TRIM41: variants seen among roughly 807,000 people sequenced by gnomAD.
The protein encoded by TRIM41 is tripartite motif containing 41.
A neutral mutation model predicts 60.6 loss-of-function variants in TRIM41; 21 were observed. That is an observed-to-expected ratio of 0.35 (90% CI 0.25 to 0.50). The LOEUF (loss-of-function observed/expected upper bound fraction) is 0.50, where lower values mean the gene tolerates loss of function less well. Among genes scored for constraint, TRIM41 ranks in the 20% least tolerant of loss-of-function variants. The pLI, the probability that TRIM41 is intolerant of heterozygous loss-of-function variation, is 0.98. For missense variants in TRIM41, 846 were observed against 868.3 expected (o/e 0.97, Z 0.32); for synonymous variants, 407 against 344.9 (o/e 1.18, Z -2.00).
intron 1 of TRIM41, chr5:181,225,470 T>C (rs974953269): frequency 6.3e-6 from 1 of 157,534 alleles, no homozygotes; most frequent in Non-Finnish European, 1.4e-5. Context: ...TGGACATTTA[T>C]ATGTATACCA....
chr5:181,235,043 CCA>C lies in TRIM41; in HGVS notation c.*269_*270del. 6.2e-7 allele frequency: 1 copy of C among 1,613,870 alleles called. No individual in the cohort carries two copies. Among genetic ancestry groups the C allele is most frequent in the Non-Finnish European group, 8.5e-7 (1 of 1,180,024 alleles). ...GAGAACAGCTGCCTGGTCTTCTCTC[CCA>C]GTCTGCCTAGCCCAGCCCTGGGACT... On this transcript the variant is annotated 3_prime_UTR_variant, in exon 6 of 6. Transcript: ENST00000315073.
Position 181,232,826 on chromosome 5 carries a change from G to C in TRIM41, c.1077G>C (p.Gln359His). The change falls in exon 3 of 6, where the codon CAG becomes CAC. Residue 359 changes from glutamine (Q) to histidine (H), a missense_variant. Physicochemically the swap from Gln to His is conservative, Grantham distance 24. Transcript: ENST00000315073. The part of the protein sequence containing the change: ...AASRLAEQAA[Q>H]LSRLLAEAQE... Reference sequence around the variant, plus strand: ...GTCGCCTTGCAGAACAGGCCGCCCAGCTCAGCCGCCTGCTGGCAGAGGCCC... The same window carrying C: ...GTCGCCTTGCAGAACAGGCCGCCCACCTCAGCCGCCTGCTGGCAGAGGCCC... The C allele has an allele frequency of 6.4e-7, 1 of 1,573,788 alleles. No individual in the cohort carries two copies. The highest frequency in any genetic ancestry group is 8.6e-7 in the Non-Finnish European group (1 of 1,161,864).
In TRIM41 at chr5:181,224,516, C is replaced by T; in HGVS notation, c.517C>T (p.Pro173Ser). Residue 173 changes from proline to serine, a missense_variant, in exon 1 of 6, where the codon CCG becomes TCG. Physicochemically the swap from Pro to Ser is moderately conservative, Grantham distance 74. Transcript: ENST00000315073. ...TCTAGACCCCGTCACCCCACTGCCC[C>T]CGCCTCCAGCCCCTCGGAGGTGCTT... ...EDLDPVTPLP[P>S]PPAPRRCFTC... The T allele has an allele frequency of 1.2e-6, 2 of 1,612,084 alleles. No homozygotes were observed. The highest frequency in any genetic ancestry group is 1.7e-6 in the Non-Finnish European group (2 of 1,178,394).
chr5:181,234,117 G>C lies in TRIM41; in HGVS notation c.1292-57G>C. 6.2e-7 allele frequency: 1 copy of C among 1,600,246 alleles called. No homozygotes were observed. Among genetic ancestry groups the C allele is most frequent in the Non-Finnish European group, 8.5e-7 (1 of 1,179,722 alleles). On this transcript the variant is annotated intron_variant, in intron 5 of 5. Coordinates refer to ENST00000315073, the MANE Select transcript of TRIM41 (RefSeq NM_033549.5). This position sits in a 1 kb window ranked among gnomAD's most constrained non-coding sequence, Gnocchi z 5.6. ...GGGGGCCCAATCTGTGGAGTTGGCTGCTGACAGGGGAACAGCCGTTCCAGC... is the reference window on the plus strand; with the variant it reads ...GGGGGCCCAATCTGTGGAGTTGGCTCCTGACAGGGGAACAGCCGTTCCAGC...
Position 181,235,443 on chromosome 5 carries a change from A to C in TRIM41, c.*668A>C. The C allele has an allele frequency of 6.2e-7, 1 of 1,610,906 alleles. No homozygotes were observed. The highest frequency in any genetic ancestry group is 8.5e-7 in the Non-Finnish European group (1 of 1,177,730). On this transcript the variant is annotated 3_prime_UTR_variant, in exon 6 of 6. Coordinates refer to ENST00000315073, the MANE Select transcript of TRIM41 (RefSeq NM_033549.5). ...CCATTACATCATCATTACATTAATT[A>C]CATCAACATAAATTATTTCTTCCCC...
chr5:181,234,601 T>G lies in TRIM41; in HGVS notation c.1719T>G (p.Ser573Arg). The G allele has an allele frequency of 6.2e-7, 1 of 1,614,056 alleles. No homozygotes were observed. Among genetic ancestry groups the G allele is most frequent in the Non-Finnish European group, 8.5e-7 (1 of 1,179,930 alleles). Residue 573 changes from serine to arginine, a missense_variant, in exon 6 of 6, where the codon AGT becomes AGG. Transcript: ENST00000315073. The surrounding 1 kb of genome is among the most constrained non-coding windows in gnomAD (Gnocchi z 5.6). The stretch of plus-strand genomic sequence containing the variant: ...CAGAACAGACGCTGCTGAGCCCCAG[T>G]GAGAAACCAAGGCGCTTTGGTGTGT... Reference protein sequence around the residue: ...SSTEQTLLSPSEKPRRFGVYL... With the variant: ...SSTEQTLLSPREKPRRFGVYL...
chr5:181,233,366 C>G lies in TRIM41; in HGVS notation c.1141-47C>G. On this transcript the variant is annotated intron_variant, in intron 3 of 5. Coordinates refer to ENST00000315073, the MANE Select transcript of TRIM41 (RefSeq NM_033549.5). The surrounding 1 kb of genome is among the most constrained non-coding windows in gnomAD (Gnocchi z 4.1). ...GCTGTCCCTGTGCAGCTGACACTCTCTTTATCTCTTTCTCCCTCTCCCTCT... is the reference window on the plus strand; with the variant it reads ...GCTGTCCCTGTGCAGCTGACACTCTGTTTATCTCTTTCTCCCTCTCCCTCT... 1 of 1,590,928 alleles carries G rather than the reference C, an allele frequency of 6.3e-7. No individual in the cohort carries two copies. The highest frequency in any genetic ancestry group is 1.7e-5 in the Admixed American group (1 of 59,998).
In TRIM41 at chr5:181,223,614, A is replaced by G; in HGVS notation, c.-386A>G. 1 of 457,940 alleles carries G rather than the reference A, an allele frequency of 2.2e-6. No individual in the cohort carries two copies. Among genetic ancestry groups the G allele is most frequent in the South Asian group, 5.8e-5 (1 of 17,286 alleles). The allele number at this position is 457,940 out of a possible 1,614,324, so 28.4% of individuals were successfully genotyped here. ...GGGGGAGTAGCAGGACAGCGGAGGG[A>G]AGTCGCGAGCTTAGGTGGTGTGTAG... On this transcript the variant is annotated 5_prime_UTR_variant, in exon 1 of 6. Coordinates refer to ENST00000315073, the MANE Select transcript of TRIM41 (RefSeq NM_033549.5).
At chr5:181,232,972 C>T (rs976824124) in intron 3 of TRIM41, 83 bp downstream of exon 3, 2 of 1,366,056 alleles carry the variant, frequency 1.5e-6, no homozygotes, top group Non-Finnish European at 2.0e-6. Flanking sequence ...CCAGAGCTGC[C>T]TCTTTTCTCC....
chr5:181,235,438 TAATTACATCAACATA>T lies in TRIM41; in HGVS notation c.*669_*683del. On this transcript the variant is annotated 3_prime_UTR_variant, in exon 6 of 6. Transcript: ENST00000315073. Reference sequence around the variant, plus strand: ...ACGCACCATTACATCATCATTACATTAATTACATCAACATAAATTATTTCTTCCCCCTTCCCTTTT... The same window carrying T: ...ACGCACCATTACATCATCATTACATTAATTATTTCTTCCCCCTTCCCTTTT... 6.2e-7 allele frequency: 1 copy of T among 1,612,178 alleles called. No individual in the cohort carries two copies. The highest frequency in any genetic ancestry group is 1.1e-5 in the South Asian group (1 of 90,924).
In TRIM41 at chr5:181,234,937, T is replaced by C. The variant is rs1450546291; in HGVS notation, c.*162T>C. The C allele has an allele frequency of 6.2e-7, 1 of 1,613,728 alleles. No individual in the cohort carries two copies. Among genetic ancestry groups the C allele is most frequent in the Non-Finnish European group, 8.5e-7 (1 of 1,179,980 alleles). ...GCCCCTGCTTCTCCCTCTAGGAGCC[T>C]AAAGAACCCTCCTGGCCTCCAGCTC... On this transcript the variant is annotated 3_prime_UTR_variant, in exon 6 of 6. Coordinates refer to ENST00000315073, the MANE Select transcript of TRIM41 (RefSeq NM_033549.5). This position sits in a 1 kb window ranked among gnomAD's most constrained non-coding sequence, Gnocchi z 5.6.
At chr5:181,228,512 T>G (rs1758647400) in intron 1 of TRIM41, 1 of 134,454 alleles carries the variant, frequency 7.4e-6, no homozygotes, top group African/African-American at 3.1e-5. Flanking sequence ...GAGCCAAGAT[T>G]GTGCTACTGC....
chr5:181,224,467 G>A lies in TRIM41; in HGVS notation c.468G>A (p.Val156=). The change falls in exon 1 of 6, where the codon GTG becomes GTA. Residue 156 remains valine, a synonymous_variant. Transcript: ENST00000315073. ...AGGATGAGGAGGACGAGGAGGAAGT[G>A]CTGGAGGAGGTTGAGGAAGAGGATC... ...RGEDEEDEEE[V]LEEVEEEDLD... is the part of the protein sequence containing the mutation. 1 of 1,613,804 alleles carries A rather than the reference G, an allele frequency of 6.2e-7. No homozygotes were observed. Among genetic ancestry groups the A allele is most frequent in the Non-Finnish European group, 8.5e-7 (1 of 1,179,776 alleles).
In TRIM41 at chr5:181,235,036, T is replaced by G. The variant is rs761130420; in HGVS notation, c.*261T>G. On this transcript the variant is annotated 3_prime_UTR_variant, in exon 6 of 6. Transcript: ENST00000315073. ...TGATAATGAGAACAGCTGCCTGGTC[T>G]TCTCTCCCAGTCTGCCTAGCCCAGC... The G allele has an allele frequency of 4.3e-6, 7 of 1,613,774 alleles. No individual in the cohort carries two copies. The highest frequency in any genetic ancestry group is 1.1e-5 in the South Asian group (1 of 91,086).
rs1203930199 is a variant in TRIM41, at chr5:181,233,535, T to A, written c.1163+100T>A. ...CTCCTCTCCTTCCTTCCCCAGGACC[T>A]GAGTTTCCATCTCCTGGACCCTCCT... On this transcript the variant is annotated intron_variant, in intron 4 of 5. Coordinates refer to ENST00000315073, the MANE Select transcript of TRIM41 (RefSeq NM_033549.5). This position sits in a 1 kb window ranked among gnomAD's most constrained non-coding sequence, Gnocchi z 4.1. 2.5e-6 allele frequency: 4 copies of A among 1,610,752 alleles called. No individual in the cohort carries two copies. The Admixed American group carries it at 6.7e-5, about 27-fold the overall frequency.
rs751139784 is a variant in TRIM41 at position 181,224,284 on chromosome 5, GGAGGAGGAGGTC to G, written c.294_305del (p.Val99_Glu102del). On this transcript the variant is annotated inframe_deletion, in exon 1 of 6. Coordinates refer to ENST00000315073, the MANE Select transcript of TRIM41 (RefSeq NM_033549.5). Reference sequence around the variant, plus strand: ...GGGATGAAGACTACGAGGGTGACATGGAGGAGGAGGTCGAGGAGGAAGAAGAGGGTGTGTTCT... The same window carrying G: ...GGGATGAAGACTACGAGGGTGACATGGAGGAGGAAGAAGAGGGTGTGTTCT... 1.2e-6 allele frequency: 2 copies of G among 1,614,158 alleles called. No individual in the cohort carries two copies. The highest frequency in any genetic ancestry group is 2.2e-5 in the East Asian group (1 of 44,876).
At position 181,223,886 on chromosome 5, in the gene TRIM41, G is replaced by A. The variant is rs1582265331; in HGVS notation, c.-114G>A. Reference sequence around the variant, plus strand: ...ACATCTCTCTGGCTGCTCTTGGGGCGAGGTGTGGAGGGGCAGGGCTGGGGG... The same window carrying A: ...ACATCTCTCTGGCTGCTCTTGGGGCAAGGTGTGGAGGGGCAGGGCTGGGGG... On this transcript the variant is annotated 5_prime_UTR_variant, in exon 1 of 6. Transcript: ENST00000315073. The A allele has an allele frequency of 9.4e-7, 1 of 1,065,730 alleles. No individual in the cohort carries two copies. Among genetic ancestry groups the A allele is most frequent in the African/African-American group, 1.6e-5 (1 of 62,936 alleles). 66.0% of individuals were successfully genotyped at this position (1,065,730 alleles called of 1,614,324 possible). A position where few individuals can be genotyped will look rare whatever the true frequency, so the allele number is the denominator to read the frequency against.
At position 181,235,108 on chromosome 5, in the gene TRIM41, A is replaced by G; in HGVS notation, c.*333A>G. ...GGGGATGAGGGGAAATTGTAATTTC[A>G]TTCCTTAACTTCCTTTTCCCCACCC... is the stretch of plus-strand genomic sequence containing the variant. On this transcript the variant is annotated 3_prime_UTR_variant, in exon 6 of 6. Coordinates refer to ENST00000315073, the MANE Select transcript of TRIM41 (RefSeq NM_033549.5). 1.3e-6 allele frequency: 2 copies of G among 1,598,226 alleles called. No individual in the cohort carries two copies. Among genetic ancestry groups the G allele is most frequent in the East Asian group, 4.5e-5 (2 of 44,726 alleles).
At chr5:181,224,961 C>A in intron 1 of TRIM41, 149 bp downstream of exon 1, 2 of 930,946 alleles carry the variant, frequency 2.1e-6, no homozygotes, top group Non-Finnish European at 3.3e-6. Flanking sequence ...TTACTGCCAC[C>A]AAGGTGGATT....
Sources: gnomAD v4.1 joint callset for allele counts on GRCh38, gnomAD v4.1.1 for gene constraint, Gnocchi (gnomAD v3.1) non-coding constraint, MANE v1.5 for transcripts, NCBI Gene and HGNC (gene_info 2026-07-23, HGNC 2026-07-21) for gene names.